Variants in CDH13 observed in about 807,000 individuals in gnomAD.
The protein encoded by CDH13 is cadherin 13, also known as cadherin-13.
In CDH13, 24 loss-of-function variants were observed where a neutral mutation model predicts 63.8. That is an observed-to-expected ratio of 0.38 (90% CI 0.27 to 0.53). CDH13 has a LOEUF of 0.53. Among genes scored for constraint, CDH13 ranks in the 20% least tolerant of loss-of-function variants. The probability of loss-of-function intolerance (pLI) is 0.85; values close to 1 mark genes in which losing one functional copy is unlikely to be tolerated. For missense variants in CDH13, 1,049 were observed against 903.1 expected (o/e 1.16, Z -2.07); for synonymous variants, 503 against 355.3 (o/e 1.42, Z -4.67).
chr16:83,006,638 C>T (rs759831946), intron 2 of CDH13, among the ~76,000 whole-genome samples: 1 of 152,206 alleles, frequency 6.6e-6, no homozygotes, highest in African/African-American at 2.4e-5. Flanking sequence ...CTGATAGTGT[C>T]TAAAGAAGCA....
intron 4 of CDH13, among the ~76,000 whole-genome samples, chr16:83,167,445 A>G (rs189071487): frequency 1.4e-5 from 2 of 144,660 alleles, no homozygotes; most frequent in East Asian, 4.3e-4. Flanking sequence ...AGTTGCAGTG[A>G]GCTGAGATCA....
intron 8 of CDH13, among the ~76,000 whole-genome samples, chr16:83,630,340 A>G (rs1301392993): frequency 6.6e-6 from 1 of 152,232 alleles, no homozygotes; most frequent in South Asian, 2.1e-4. Context: ...GGTTAAGGAC[A>G]TACCCATAAC....
In CDH13 at chr16:82,966,209, T is replaced by C. The variant is rs540088577; in HGVS notation, c.158-65801T>C. ...TGTCGCCCAGGCTGGAGTGCAGTGG[T>C]GCGATCTCGGCCCATGGCAACCTCC... On this transcript the variant is annotated intron_variant, in intron 2 of 13. Coordinates refer to ENST00000567109, the MANE Select transcript of CDH13 (RefSeq NM_001257.5). Among the ~76,000 whole-genome samples the C allele has an allele frequency of 2.4e-3, 369 of 152,326 alleles. 3 individuals are homozygous for C. Among genetic ancestry groups the C allele is most frequent in the Middle Eastern group, 0.017 (5 of 292 alleles).
intron 5 of CDH13, among the ~76,000 whole-genome samples, chr16:83,328,065 G>A (rs1308775665): frequency 5.3e-5 from 8 of 151,636 alleles, no homozygotes; most frequent in African/African-American, 9.7e-5. Context: ...CCCAGGAGGC[G>A]GAGCTTGCAG....
intron 2 of CDH13, 25 bp from the exon 3 acceptor site, chr16:83,031,985 T>C (rs1338276811): frequency 1.9e-6 from 3 of 1,551,132 alleles, no homozygotes; most frequent in Admixed American, 1.9e-5. Context: ...CTCATGCTCC[T>C]TCTGTTGTTT....
At chr16:83,655,248 G>A (rs1411053489) in intron 8 of CDH13, 2 of 152,222 alleles carry the variant, frequency 1.3e-5, no homozygotes, top group Non-Finnish European at 2.9e-5. Context: ...CCACTTCTTA[G>A]GATGTGCCAG....
At chr16:83,513,015 TAAATA>T (rs202225779) in intron 7 of CDH13, among the ~76,000 whole-genome samples, 2 of 115,858 alleles carry the variant, frequency 1.7e-5, no homozygotes, top group African/African-American at 3.2e-5. Context: ...AGATTGGGAA[TAAATA>T]AAAGAAGAAA....
chr16:83,307,924 A>G lies in CDH13; in HGVS notation c.637-36938A>G, dbSNP rs140888194. Among the ~76,000 whole-genome samples the G allele has an allele frequency of 1.4e-4, 21 of 152,292 alleles. No individual in the cohort carries two copies. The East Asian group carries it at 4.1e-3, about 29-fold the overall frequency. Reference sequence around the variant, plus strand: ...TATGAAGTATAGATTATACATTTCCATGCTCATTCAAAATATGTATTTTTT... The same window carrying G: ...TATGAAGTATAGATTATACATTTCCGTGCTCATTCAAAATATGTATTTTTT... On this transcript the variant is annotated intron_variant, in intron 5 of 13. Transcript: ENST00000567109.
chr16:83,233,579 C>A (rs368441363), intron 5 of CDH13, among the ~76,000 whole-genome samples: 1 of 152,178 alleles, frequency 6.6e-6, no homozygotes, highest in Non-Finnish European at 1.5e-5. Flanking sequence ...CATTCTCCGA[C>A]CTTTTCCAAC....
In CDH13 at chr16:83,342,843, G is replaced by GTTTTTTTTTTT. The variant is rs778316746; in HGVS notation, c.637-2005_637-1995dup. ...TTAGGCACAGTGTTTTTTTGTTTCT[G>GTTTTTTTTTTT]TTTTTTTTTTTTTTTTTTTTTTTTG... On this transcript the variant is annotated intron_variant, in intron 5 of 13. Coordinates refer to ENST00000567109, the MANE Select transcript of CDH13 (RefSeq NM_001257.5). 1.4e-3 allele frequency among the ~76,000 whole-genome samples: 92 copies of GTTTTTTTTTTT among 65,284 alleles called. 4 individuals are homozygous for GTTTTTTTTTTT. Among genetic ancestry groups the GTTTTTTTTTTT allele is most frequent in the East Asian group, 2.6e-3 (5 of 1,946 alleles). The allele number at this position is 65,284 out of a possible 152,430, so 42.8% of individuals were successfully genotyped here.
At chr16:82,764,586 T>C (rs994213724) in intron 1 of CDH13, among the ~76,000 whole-genome samples, 1 of 152,210 alleles carries the variant, frequency 6.6e-6, no homozygotes, top group African/African-American at 2.4e-5. Context: ...ATTCTACAGA[T>C]GTATTTTGAG....
chr16:83,546,149 G>T (rs562022323), intron 7 of CDH13, among the ~76,000 whole-genome samples: 1 of 152,122 alleles, frequency 6.6e-6, no homozygotes, highest in Admixed American at 6.5e-5. Context: ...GTGAGGTTTG[G>T]GCTAAAACCT....
At chr16:83,585,310 T>C (rs1906039470) in intron 7 of CDH13, among the ~76,000 whole-genome samples, 1 of 152,100 alleles carries the variant, frequency 6.6e-6, no homozygotes, top group Admixed American at 6.5e-5. Flanking sequence ...GACACAACAG[T>C]AACCCAAACT....
chr16:82,708,603 C>T (rs1207382965), intron 1 of CDH13, among the ~76,000 whole-genome samples: 1 of 152,162 alleles, frequency 6.6e-6, no homozygotes, highest in Non-Finnish European at 1.5e-5. Flanking sequence ...CAACTGGTAT[C>T]TTCTTACTTG....
At chr16:82,658,475 A>G (rs1911555912) in intron 1 of CDH13, among the ~76,000 whole-genome samples, 1 of 152,236 alleles carries the variant, frequency 6.6e-6, no homozygotes, top group African/African-American at 2.4e-5. Context: ...ACTTTTCTTC[A>G]TACCTGTCTC....
At chr16:83,151,711 T>A (rs1212115188) in intron 4 of CDH13, among the ~76,000 whole-genome samples, 1 of 152,184 alleles carries the variant, frequency 6.6e-6, no homozygotes, top group Non-Finnish European at 1.5e-5. Flanking sequence ...ACGCCTGTAA[T>A]CCCAGCACTT....
chr16:82,682,513 C>T (rs993799482), intron 1 of CDH13, among the ~76,000 whole-genome samples: 1 of 152,200 alleles, frequency 6.6e-6, no homozygotes, highest in Non-Finnish European at 1.5e-5. Context: ...CATTTACTTT[C>T]TCTTAAACTG....
At chr16:83,141,617 G>T (rs549986097) in intron 4 of CDH13, among the ~76,000 whole-genome samples, 1 of 152,120 alleles carries the variant, frequency 6.6e-6, no homozygotes, top group East Asian at 1.9e-4. Flanking sequence ...CATCATCTAC[G>T]TTTTAAGCCC....
intron 6 of CDH13, among the ~76,000 whole-genome samples, chr16:83,423,921 A>T (rs2071799634): frequency 6.6e-6 from 1 of 152,222 alleles, no homozygotes; most frequent in African/African-American, 2.4e-5. Context: ...ACGTGGCTGT[A>T]CACTATAACT....
Sources: allele counts gnomAD v4.1 joint callset (sites outside exome capture counted in the v4.1 genomes callset), GRCh38; gene constraint gnomAD v4.1.1; transcripts MANE v1.5; gene names NCBI Gene and HGNC (gene_info 2026-07-23, HGNC 2026-07-21).